Variants in RBFOX1 observed in about 807,000 individuals in gnomAD.
The protein encoded by RBFOX1 is RNA binding fox-1 homolog 1.
In RBFOX1, 8 loss-of-function variants were observed where a neutral mutation model predicts 57.7. The ratio of observed to expected loss-of-function variants is 0.14; its 90% CI spans 0.08 to 0.25. The LOEUF is 0.25. Ranked by LOEUF, RBFOX1 falls within the 10% of genes least tolerant of loss-of-function variation. RBFOX1 has a pLI of 1.00. For missense variants in RBFOX1, 611 were observed against 548.5 expected (o/e 1.11, Z -1.14); for synonymous variants, 326 against 222.4 (o/e 1.47, Z -4.15).
chr16:6,651,622 T>G (rs1053479659), intron 2 of RBFOX1, among the ~76,000 whole-genome samples: 3 of 152,170 alleles, frequency 2.0e-5, no homozygotes, highest in Non-Finnish European at 4.4e-5. Flanking sequence ...TGTAAAATGG[T>G]GCACCTGCTG....
chr16:6,563,425 T>C (rs1023125414), intron 2 of RBFOX1, among the ~76,000 whole-genome samples: 14 of 152,264 alleles, frequency 9.2e-5, no homozygotes, highest in Admixed American at 7.8e-4. Flanking sequence ...CCCCCCTAGA[T>C]TGGATGTGTA....
At chr16:6,993,151 C>A (rs1273208729) in intron 3 of RBFOX1, among the ~76,000 whole-genome samples, 1 of 152,172 alleles carries the variant, frequency 6.6e-6, no homozygotes, top group African/African-American at 2.4e-5. Flanking sequence ...GTAACACTGA[C>A]TTTCTTTTCT....
rs371826795 is a variant in RBFOX1, at chr16:5,969,854, G to A, written c.351+102519G>A. ...CTTCCAGCAATATCTTCTCAGTGTG[G>A]ATGGTCCTCCAAGCAACTCTGACTG... On this transcript the variant is annotated intron_variant, in intron 4 of 19. Coordinates refer to the RBFOX1 transcript ENST00000641259. Among the ~76,000 whole-genome samples, 29 of 151,902 alleles carry A rather than the reference G, an allele frequency of 1.9e-4. No homozygotes were observed. In the South Asian group the frequency reaches 3.1e-3, roughly 16 times the overall value.
At chr16:6,081,374 ATCTTGTT>A (rs1423372219) in intron 1 of RBFOX1, among the ~76,000 whole-genome samples, 1 of 152,120 alleles carries the variant, frequency 6.6e-6, no homozygotes, top group African/African-American at 2.4e-5. Flanking sequence ...GGTCTCTGTT[ATCTTGTT>A]TCTCTGTCGG....
chr16:6,858,395 G>C (rs756572377), intron 3 of RBFOX1, among the ~76,000 whole-genome samples: 16 of 152,130 alleles, frequency 1.1e-4, no homozygotes, highest in Admixed American at 2.0e-4. Flanking sequence ...TGTTGGTTTT[G>C]TGTTGTTCTT....
intron 3 of RBFOX1, among the ~76,000 whole-genome samples, chr16:6,968,667 C>G (rs1361327441): frequency 6.6e-6 from 1 of 152,206 alleles, no homozygotes; most frequent in South Asian, 2.1e-4. Flanking sequence ...TCGAGGAAGC[C>G]CACAAGGTGC....
At chr16:7,600,471 C>T (rs1423489191) in intron 9 of RBFOX1, among the ~76,000 whole-genome samples, 1 of 152,098 alleles carries the variant, frequency 6.6e-6, no homozygotes, top group African/African-American at 2.4e-5. Context: ...CTTTCATATC[C>T]TTAATAAGCA....
chr16:7,649,414 T>G (rs547655697), intron 11 of RBFOX1, among the ~76,000 whole-genome samples: 2 of 152,346 alleles, frequency 1.3e-5, no homozygotes, highest in South Asian at 2.1e-4. Flanking sequence ...TCAATCTGTT[T>G]CCTTAACCAC....
chr16:6,054,146 G>A (rs1246092086), intron 1 of RBFOX1, among the ~76,000 whole-genome samples: 2 of 152,104 alleles, frequency 1.3e-5, no homozygotes, highest in Non-Finnish European at 2.9e-5. Context: ...AAGCAGTGGA[G>A]GAAGCTAAAG....
At chr16:5,306,683 C>T (rs1486735012) in intron 1 of RBFOX1, among the ~76,000 whole-genome samples, 2 of 152,156 alleles carry the variant, frequency 1.3e-5, no homozygotes, top group Non-Finnish European at 2.9e-5. Flanking sequence ...CTCTGCGGAG[C>T]AAGGTAAGGT....
At chr16:6,457,613 C>T (rs935420529) in intron 2 of RBFOX1, among the ~76,000 whole-genome samples, 5 of 152,098 alleles carry the variant, frequency 3.3e-5, no homozygotes, top group South Asian at 4.1e-4. Context: ...CAGGGGTATT[C>T]GAAGACCTCC....
chr16:5,332,821 A>G (rs571315762), intron 1 of RBFOX1, among the ~76,000 whole-genome samples: 4 of 152,212 alleles, frequency 2.6e-5, no homozygotes, highest in Non-Finnish European at 4.4e-5. Context: ...TACTTTATAT[A>G]TAGAAATAAA....
intron 3 of RBFOX1, among the ~76,000 whole-genome samples, chr16:5,807,392 G>A (rs2055265620): frequency 6.6e-6 from 1 of 152,114 alleles, no homozygotes; most frequent in African/African-American, 2.4e-5. Context: ...TGTGAGCTGG[G>A]TCCCTGCCAG....
intron 1 of RBFOX1, among the ~76,000 whole-genome samples, chr16:5,269,925 T>C (rs1334164686): frequency 6.6e-6 from 1 of 151,916 alleles, no homozygotes; most frequent in Non-Finnish European, 1.5e-5. Flanking sequence ...GAGGCTGCGG[T>C]GGGAGGATTG....
At chr16:6,610,303 C>A (rs1034081723) in intron 2 of RBFOX1, among the ~76,000 whole-genome samples, 4 of 142,400 alleles carry the variant, frequency 2.8e-5, no homozygotes, top group Non-Finnish European at 6.4e-5. Context: ...GGAAGAAACT[C>A]ATCTGGACCA....
intron 2 of RBFOX1, among the ~76,000 whole-genome samples, chr16:6,351,533 C>T (rs2086398202): frequency 6.6e-6 from 1 of 151,642 alleles, no homozygotes; most frequent in African/African-American, 2.4e-5. Flanking sequence ...GCCACCCTGC[C>T]CAGCTAACTT....
At chr16:5,532,094 T>C (rs1305214198) in intron 2 of RBFOX1, among the ~76,000 whole-genome samples, 1 of 152,198 alleles carries the variant, frequency 6.6e-6, no homozygotes, top group Non-Finnish European at 1.5e-5. Flanking sequence ...CCACCATGCG[T>C]GACTGTCAAG....
intron 2 of RBFOX1, among the ~76,000 whole-genome samples, chr16:6,636,148 T>G (rs542829884): frequency 7.2e-5 from 11 of 152,222 alleles, no homozygotes; most frequent in African/African-American, 1.9e-4. Context: ...TCAGACAGTT[T>G]TGGATTTGGG....
At chr16:6,359,744 C>T (rs576383687) in intron 2 of RBFOX1, among the ~76,000 whole-genome samples, 1 of 152,214 alleles carries the variant, frequency 6.6e-6, no homozygotes, top group African/African-American at 2.4e-5. Flanking sequence ...GTATATAAGC[C>T]AGCCTTATAC....
Sources: allele counts gnomAD v4.1 joint callset (sites outside exome capture counted in the v4.1 genomes callset), GRCh38; gene constraint gnomAD v4.1.1; transcripts MANE v1.5; gene names NCBI Gene and HGNC (gene_info 2026-07-23, HGNC 2026-07-21).